TMEM39A: variants seen among roughly 807,000 people sequenced by gnomAD.
TMEM39A encodes transmembrane protein 39A, also known as suppressor of SQST-1 aggregates in rpl-43 mutants.
In TMEM39A, 19 loss-of-function variants were observed where a neutral mutation model predicts 51.9. The ratio of observed to expected loss-of-function variants is 0.37; its 90% CI spans 0.26 to 0.54. The LOEUF (loss-of-function observed/expected upper bound fraction) is 0.54. Among genes scored for constraint, TMEM39A ranks in the 20% least tolerant of loss-of-function variants. The probability of loss-of-function intolerance (pLI) is 0.88; values close to 1 mark genes in which losing one functional copy is unlikely to be tolerated. For synonymous variants in TMEM39A, 197 were observed against 220.2 expected (o/e 0.89, Z 0.93); for missense variants, 433 against 590.5 (o/e 0.73, Z 2.76).
chr3:119,456,586 G>A (rs2081267650), intron 3 of TMEM39A, among the ~76,000 whole-genome samples: 1 of 152,256 alleles, frequency 6.6e-6, no homozygotes, highest in East Asian at 1.9e-4. Context: ...TTCGCCTAGA[G>A]CCTATCTCTA....
chr3:119,437,912 G>A lies in TMEM39A; in HGVS notation c.767C>T (p.Thr256Ile). 6.2e-7 allele frequency: 1 copy of A among 1,614,066 alleles called. No individual in the cohort carries two copies. The highest frequency in any genetic ancestry group is 8.5e-7 in the Non-Finnish European group (1 of 1,179,960). Residue 256 changes from threonine (T) to isoleucine (I), a missense_variant, in exon 6 of 9, where the codon ACA (threonine) becomes ATA (isoleucine). By Grantham distance (89) the Thr-to-Ile change is moderately conservative. Transcript: ENST00000319172. ...ESLKEQFNNA[T>I]PIPTHSCPLS... ...GGGACAACTGTGGGTGGGGATGGGT[G>A]TGGCATTATTAAACTGTTCTTTTAG...
At chr3:119,435,861 C>T in intron 7 of TMEM39A, 1 of 1,289,434 alleles carries the variant, frequency 7.8e-7, no homozygotes, top group Non-Finnish European at 1.0e-6. Flanking sequence ...GAAATCTGTC[C>T]TTTGCCCACA....
intron 5 of TMEM39A, among the ~76,000 whole-genome samples, chr3:119,442,504 C>T (rs961073945): frequency 2.0e-5 from 3 of 152,144 alleles, no homozygotes; most frequent in Non-Finnish European, 2.9e-5. Context: ...TTAAGAAATA[C>T]GTTTTGTAAG....
chr3:119,454,395 G>T (rs1322362066), intron 3 of TMEM39A, among the ~76,000 whole-genome samples: 1 of 152,082 alleles, frequency 6.6e-6, no homozygotes, highest in Admixed American at 6.6e-5. Context: ...ACTCCTCCTT[G>T]CCTACCCTAC....
At chr3:119,442,107 G>A (rs1233468123) in intron 5 of TMEM39A, among the ~76,000 whole-genome samples, 6 of 152,152 alleles carry the variant, frequency 3.9e-5, no homozygotes, top group African/African-American at 1.2e-4. Flanking sequence ...TTGGGAGGCT[G>A]AGGCAGGCGG....
chr3:119,455,772 T>C (rs1480424247), intron 3 of TMEM39A, among the ~76,000 whole-genome samples: 4 of 152,206 alleles, frequency 2.6e-5, no homozygotes, highest in African/African-American at 9.6e-5. Flanking sequence ...GGCAAAGAAC[T>C]CTTCGATGAG....
chr3:119,461,975 C>T lies in TMEM39A; in HGVS notation c.100G>A (p.Gly34Ser), dbSNP rs756853297. ...TTTTTTCTTTACCTGTTTCTCAAGC[C>T]TGTTCCATTGCCACAGCCTCCACCA... The part of the protein sequence containing the change: ...LVGGGCGNGT[G>S]LRNRNGSAIG... Residue 34 changes from glycine (G) to serine (S), a missense_variant, in exon 2 of 9, where the codon GGC becomes AGC. Coordinates refer to ENST00000319172, the MANE Select transcript of TMEM39A (RefSeq NM_018266.3). 20 of 1,613,918 alleles carry T rather than the reference C, an allele frequency of 1.2e-5. No individual in the cohort carries two copies. The highest frequency in any genetic ancestry group is 1.7e-5 in the Non-Finnish European group (20 of 1,179,954).
intron 7 of TMEM39A, chr3:119,435,446 CTT>C: frequency 2.0e-6 from 2 of 981,602 alleles, no homozygotes; most frequent in Non-Finnish European, 2.4e-6. Context: ...CACACACAGA[CTT>C]TTCACTGCTT....
intron 7 of TMEM39A, chr3:119,435,443 A>G: frequency 1.0e-6 from 1 of 983,802 alleles, no homozygotes; most frequent in East Asian, 1.1e-4. Context: ...ACACACACAC[A>G]GACTTTTCAC....
Position 119,458,158 on chromosome 3 carries a change from C to G in TMEM39A, c.196G>C (p.Asp66His). ...PGPVRHCQIP[D>H]LPVDGSLLFE... is the part of the protein sequence containing the mutation. ...AGTAGGCTCCCATCCACAGGCAAGT[C>G]AGGAATTTGGCAATGACGAACAGGA... The change falls in exon 3 of 9, where the codon GAC (aspartate) becomes CAC (histidine). Residue 66 changes from aspartate (D) to histidine (H), a missense_variant. Around this residue, in one of 3 missense-constraint regions of TMEM39A, gnomAD observed 170 missense variants for 239.8 expected, o/e 0.71. Coordinates refer to ENST00000319172, the MANE Select transcript of TMEM39A (RefSeq NM_018266.3). 1 of 1,614,162 alleles carries G rather than the reference C, an allele frequency of 6.2e-7. No individual in the cohort carries two copies. Among genetic ancestry groups the G allele is most frequent in the African/African-American group, 1.3e-5 (1 of 75,056 alleles).
intron 8 of TMEM39A, 85 bp downstream of exon 8, chr3:119,434,677 A>G: frequency 6.5e-7 from 1 of 1,545,988 alleles, no homozygotes; most frequent in Non-Finnish European, 8.8e-7. Context: ...TATGTGCTAC[A>G]TGCTATGCTA....
At chr3:119,462,881 A>G (rs779914846) in intron 1 of TMEM39A, among the ~76,000 whole-genome samples, 23 of 132,436 alleles carry the variant, frequency 1.7e-4, no homozygotes, top group Non-Finnish European at 3.1e-4. Context: ...TAAAAGATAA[A>G]GATCCTCACT....
At chr3:119,437,049 A>C in intron 6 of TMEM39A, 71 bp from the exon 7 acceptor site, 1 of 1,430,612 alleles carries the variant, frequency 7.0e-7, no homozygotes, top group Non-Finnish European at 9.6e-7. Context: ...GTTGGTGTAC[A>C]TATGCCCTGC....
intron 4 of TMEM39A, among the ~76,000 whole-genome samples, chr3:119,449,666 G>A (rs1041517659): frequency 6.6e-6 from 1 of 152,032 alleles, no homozygotes; most frequent in Non-Finnish European, 1.5e-5. Flanking sequence ...ATGAGATTGT[G>A]AGCAATTTTT....
rs1249213291 is a variant in TMEM39A, at chr3:119,429,392, C to G, written c.*2589G>C. 1 of 152,018 alleles carries G rather than the reference C, an allele frequency of 6.6e-6. No homozygotes were observed. The highest frequency in any genetic ancestry group is 6.6e-5 in the Admixed American group (1 of 15,248). 9.4% of individuals were successfully genotyped at this position (152,018 alleles called of 1,614,324 possible). On this transcript the variant is annotated 3_prime_UTR_variant, in exon 9 of 9. Coordinates refer to ENST00000319172, the MANE Select transcript of TMEM39A (RefSeq NM_018266.3). ...TCCTTTATTTACCCACCTTAGACCA[C>G]CCAGACTAGTCAAGTATCTTCTTTC...
At chr3:119,444,256 G>A (rs1031797520) in intron 5 of TMEM39A, among the ~76,000 whole-genome samples, 5 of 152,212 alleles carry the variant, frequency 3.3e-5, no homozygotes, top group Admixed American at 2.6e-4. Flanking sequence ...ATAATTAGCC[G>A]TTCAAATCAG....
chr3:119,435,427 T>A (rs1383115991), intron 7 of TMEM39A: 1 of 980,232 alleles, frequency 1.0e-6, no homozygotes, highest in Non-Finnish European at 1.2e-6. Flanking sequence ...CAGCGATACA[T>A]CTCACACACA....
chr3:119,438,940 C>A (rs2081012640), intron 5 of TMEM39A, among the ~76,000 whole-genome samples: 2 of 152,136 alleles, frequency 1.3e-5, no homozygotes, highest in African/African-American at 4.8e-5. Flanking sequence ...CCCTTCACTA[C>A]AATTTAAGCT....
At chr3:119,456,340 A>G (rs986833400) in intron 3 of TMEM39A, among the ~76,000 whole-genome samples, 1 of 152,232 alleles carries the variant, frequency 6.6e-6, no homozygotes, top group African/African-American at 2.4e-5. Flanking sequence ...CAATTTTTCA[A>G]CACAGAAACT....
Sources: allele counts gnomAD v4.1 joint callset (sites outside exome capture counted in the v4.1 genomes callset), GRCh38; gene constraint gnomAD v4.1.1; regional missense constraint gnomAD v4.1.1; transcripts MANE v1.5; gene names NCBI Gene and HGNC (gene_info 2026-07-23, HGNC 2026-07-21).